KYNU: variants seen among roughly 807,000 people sequenced by gnomAD.
The protein encoded by KYNU is kynureninase, also known as L-kynurenine hydrolase.
Under a neutral mutation model 59.2 loss-of-function variants are expected in KYNU, and 54 were observed. The ratio of observed to expected loss-of-function variants is 0.91; its 90% CI spans 0.73 to 1.14. The LOEUF (loss-of-function observed/expected upper bound fraction) is 1.14. KYNU is among the 50% of genes most tolerant of loss of function. KYNU has a pLI of 0.00. For missense variants in KYNU, 567 were observed against 554.4 expected (o/e 1.02, Z -0.23); for synonymous variants, 177 against 192.0 (o/e 0.92, Z 0.65).
At position 142,927,640 on chromosome 2, in the gene KYNU, T is replaced by C. The variant is rs761932296; in HGVS notation, c.291-19T>C. On this transcript the variant is annotated intron_variant, in intron 3 of 13. Coordinates refer to ENST00000264170, the MANE Select transcript of KYNU (RefSeq NM_003937.3). ...GCACATAAAAGCTAAGATATGTTTA[T>C]GTCCGTTTTCAATTTCAGAGCAGCC... 1.3e-5 allele frequency: 20 copies of C among 1,584,446 alleles called. No homozygotes were observed. The highest frequency in any genetic ancestry group is 1.1e-4 in the African/African-American group (8 of 74,338).
At chr2:142,991,061 A>G (rs1685385310) in intron 10 of KYNU, among the ~76,000 whole-genome samples, 1 of 151,912 alleles carries the variant, frequency 6.6e-6, no homozygotes, top group Admixed American at 6.6e-5. Flanking sequence ...ACATCCAGAA[A>G]TTTCAGCAAA....
chr2:142,898,962 G>A (rs1290143158), intron 2 of KYNU, among the ~76,000 whole-genome samples: 1 of 152,170 alleles, frequency 6.6e-6, no homozygotes, highest in African/African-American at 2.4e-5. Flanking sequence ...GCAGAAATGG[G>A]CACCTTGCTG....
chr2:143,046,069 C>A lies in KYNU; in HGVS notation c.*3897C>A, dbSNP rs1174081992. On this transcript the variant is annotated 3_prime_UTR_variant, in exon 14 of 14. Coordinates refer to ENST00000264170, the MANE Select transcript of KYNU (RefSeq NM_003937.3). ...AAGTATATAAACATATCATGGAAAACATAATCAGCACCATGTACTCAACAC... is the reference window on the plus strand; with the variant it reads ...AAGTATATAAACATATCATGGAAAAAATAATCAGCACCATGTACTCAACAC... The A allele has an allele frequency of 6.6e-6, 1 of 152,012 alleles. No individual in the cohort carries two copies. Among genetic ancestry groups the A allele is most frequent in the Admixed American group, 6.6e-5 (1 of 15,232 alleles). 9.4% of individuals were successfully genotyped at this position (152,012 alleles called of 1,614,324 possible).
At chr2:143,005,979 A>G (rs1321260109) in intron 10 of KYNU, among the ~76,000 whole-genome samples, 1 of 152,194 alleles carries the variant, frequency 6.6e-6, no homozygotes, top group Non-Finnish European at 1.5e-5. Context: ...AGAGTCTAGA[A>G]TACTAATGGC....
At chr2:143,020,493 A>T (rs1319494403) in intron 10 of KYNU, among the ~76,000 whole-genome samples, 1 of 152,152 alleles carries the variant, frequency 6.6e-6, no homozygotes, top group African/African-American at 2.4e-5. Flanking sequence ...CAGAAAAGAT[A>T]CTTGATATGA....
chr2:142,972,833 G>A (rs969735234), intron 8 of KYNU, among the ~76,000 whole-genome samples: 1 of 150,052 alleles, frequency 6.7e-6, no homozygotes, highest in Non-Finnish European at 1.5e-5. Context: ...GAGAGAGAGA[G>A]AGAGAGACTG....
At chr2:142,953,614 T>C (rs976657407) in intron 4 of KYNU, among the ~76,000 whole-genome samples, 2 of 152,206 alleles carry the variant, frequency 1.3e-5, no homozygotes, top group Non-Finnish European at 2.9e-5. Flanking sequence ...CAAATTTTAT[T>C]TAGTTCTAGG....
At chr2:142,980,641 C>G (rs934651809) in intron 8 of KYNU, among the ~76,000 whole-genome samples, 1 of 151,920 alleles carries the variant, frequency 6.6e-6, no homozygotes, top group African/African-American at 2.4e-5. Flanking sequence ...TCAGAATGGC[C>G]TGAAAATGAT....
At chr2:143,006,815 G>A (rs1330607597) in intron 10 of KYNU, among the ~76,000 whole-genome samples, 1 of 151,918 alleles carries the variant, frequency 6.6e-6, no homozygotes, top group Non-Finnish European at 1.5e-5. Flanking sequence ...TCACACGGCA[G>A]GGTATTCCAA....
At position 143,045,922 on chromosome 2, in the gene KYNU, G is replaced by A. The variant is rs1243419067; in HGVS notation, c.*3750G>A. On this transcript the variant is annotated 3_prime_UTR_variant, in exon 14 of 14. Transcript: ENST00000264170. ...GTAAGCAGAGAAGTAAATCTATAAT[G>A]ACAAATCATAATTTCTGAAGGGTAT... The A allele has an allele frequency of 1.3e-5, 2 of 152,124 alleles. No individual in the cohort carries two copies. Among genetic ancestry groups the A allele is most frequent in the African/African-American group, 4.8e-5 (2 of 41,450 alleles). 9.4% of individuals were successfully genotyped at this position (152,124 alleles called of 1,614,324 possible).
chr2:142,883,514 C>T (rs899524625), intron 1 of KYNU, among the ~76,000 whole-genome samples: 2 of 151,976 alleles, frequency 1.3e-5, no homozygotes, highest in African/African-American at 4.8e-5. Flanking sequence ...TTCTTTATGA[C>T]TACCTTCTGC....
chr2:142,991,408 A>G (rs774524828), intron 10 of KYNU, among the ~76,000 whole-genome samples: 30 of 152,040 alleles, frequency 2.0e-4, no homozygotes, highest in Non-Finnish European at 3.7e-4. Flanking sequence ...GATGCTTTCA[A>G]ATGAGATAGA....
chr2:143,003,629 G>A (rs1294743313), intron 10 of KYNU, among the ~76,000 whole-genome samples: 1 of 151,938 alleles, frequency 6.6e-6, no homozygotes, highest in Non-Finnish European at 1.5e-5. Flanking sequence ...CAAGACTTTG[G>A]TATTCATACT....
chr2:142,986,057 A>G (rs1558960291), intron 10 of KYNU, 36 bp downstream of exon 10: 1 of 1,425,004 alleles, frequency 7.0e-7, no homozygotes, highest in Non-Finnish European at 9.9e-7. Context: ...TTGGTGATGA[A>G]CAAATTAATT....
intron 8 of KYNU, among the ~76,000 whole-genome samples, chr2:142,978,476 A>G (rs1017161338): frequency 6.6e-6 from 1 of 152,182 alleles, no homozygotes; most frequent in Non-Finnish European, 1.5e-5. Context: ...TGTTAATACC[A>G]GGTAGTATCC....
intron 10 of KYNU, among the ~76,000 whole-genome samples, chr2:143,006,248 C>T (rs534716914): frequency 9.9e-5 from 15 of 152,072 alleles, no homozygotes; most frequent in East Asian, 2.0e-4. Context: ...ACCTGGGAAG[C>T]GCAAGGGGTC....
intron 2 of KYNU, among the ~76,000 whole-genome samples, chr2:142,890,620 G>T (rs111367457): frequency 1.3e-5 from 2 of 152,230 alleles, no homozygotes; most frequent in South Asian, 2.1e-4. Context: ...TGGAACTACA[G>T]GTGCGTGCCA....
At chr2:142,957,963 G>T (rs765607397) in intron 7 of KYNU, 71 of 415,548 alleles carry the variant, frequency 1.7e-4, no homozygotes, top group Non-Finnish European at 2.7e-4. Flanking sequence ...AATACCACTG[G>T]ATTCTGCCAT....
chr2:142,901,052 CAAAA>C (rs34574070), intron 2 of KYNU, among the ~76,000 whole-genome samples: 4 of 116,508 alleles, frequency 3.4e-5, no homozygotes, highest in African/African-American at 6.2e-5. Context: ...GACTCCATCT[CAAAA>C]AAAAAAAAAA....
Sources: allele counts gnomAD v4.1 joint callset (sites outside exome capture counted in the v4.1 genomes callset), GRCh38; gene constraint gnomAD v4.1.1; transcripts MANE v1.5; gene names NCBI Gene and HGNC (gene_info 2026-07-23, HGNC 2026-07-21).